HIP1: variants seen among roughly 807,000 people sequenced by gnomAD.
The protein encoded by HIP1 is huntingtin-interacting protein 1.
HIP1 carries 65 observed loss-of-function variants against 147.6 expected under a neutral mutation model. The ratio of observed to expected loss-of-function variants is 0.44; its 90% confidence interval spans 0.36 to 0.54. HIP1 has a LOEUF of 0.54. Among genes scored for constraint, HIP1 ranks in the 20% least tolerant of loss-of-function variants. The pLI, the probability that HIP1 is intolerant of heterozygous loss-of-function variation, is 0.00. For missense variants in HIP1, 1,061 were observed against 1,299.6 expected (o/e 0.82, Z 2.82); for synonymous variants, 479 against 504.0 (o/e 0.95, Z 0.67).
At chr7:75,559,703 G>GGCCGCCCCCCCCCCCCCCCCC in intron 14 of HIP1, 29 bp downstream of exon 14, 2 of 1,195,144 alleles carry the variant, frequency 1.7e-6, no homozygotes, top group South Asian at 1.4e-5. Context: ...TGCCCCCGGG[G>GGCCGCCCCCCCCCCCCCCCCC]CCCGCCCCCG....
At chr7:75,701,440 G>C (rs941943492) in intron 1 of HIP1, among the ~76,000 whole-genome samples, 23 of 152,090 alleles carry the variant, frequency 1.5e-4, no homozygotes, top group African/African-American at 5.1e-4. Context: ...CCAGTCTGGT[G>C]ACTCAGGCCT....
intron 29 of HIP1, among the ~76,000 whole-genome samples, chr7:75,540,298 G>A (rs1554489603): frequency 6.6e-6 from 1 of 151,938 alleles, no homozygotes; most frequent in Non-Finnish European, 1.5e-5. Flanking sequence ...GTGTGGTGGT[G>A]CATGTCTGTA....
At chr7:75,726,703 CTTTTTTT>C (rs797038208) in intron 1 of HIP1, among the ~76,000 whole-genome samples, 5 of 133,442 alleles carry the variant, frequency 3.7e-5, no homozygotes, top group Non-Finnish European at 8.1e-5. Flanking sequence ...AAATGTTTTT[CTTTTTTT>C]TTTTTTTTTG....
At chr7:75,563,729 A>T (rs1420805407) in intron 9 of HIP1, among the ~76,000 whole-genome samples, 3 of 152,162 alleles carry the variant, frequency 2.0e-5, no homozygotes, top group Non-Finnish European at 4.4e-5. Flanking sequence ...CACAATTAAG[A>T]CTATAAGTTC....
chr7:75,731,300 T>C (rs1554522992), intron 1 of HIP1, among the ~76,000 whole-genome samples: 1 of 150,996 alleles, frequency 6.6e-6, no homozygotes, highest in Non-Finnish European at 1.5e-5. Context: ...CTGGCCAACA[T>C]GATGAAACCC....
chr7:75,608,288 C>A (rs1052835412), intron 1 of HIP1, among the ~76,000 whole-genome samples: 22 of 152,110 alleles, frequency 1.4e-4, no homozygotes, highest in African/African-American at 5.1e-4. Flanking sequence ...GCCTGGGTGA[C>A]AGAGAGAAAC....
At position 75,568,087 on chromosome 7, in the gene HIP1, G is replaced by T; in HGVS notation, c.803+112C>A. On this transcript the variant is annotated intron_variant, in intron 9 of 30. Transcript: ENST00000336926. The surrounding 1 kb of genome is among the most constrained non-coding windows in gnomAD (Gnocchi z 4.1). ...CGCCTCAGCCTCCCAAAGAGTTGGG[G>T]TTACAGGCATGAACCACTGTGTCCA... 1.3e-6 allele frequency: 1 copy of T among 790,522 alleles called. No homozygotes were observed. The highest frequency in any genetic ancestry group is 2.5e-5 in the East Asian group (1 of 39,420). The allele number at this position is 790,522 out of a possible 1,614,324, so 49.0% of individuals were successfully genotyped here. A position where few individuals can be genotyped will look rare whatever the true frequency, so the allele number is the denominator to read the frequency against.
rs139100778 is a variant in HIP1, at chr7:75,541,637, G to A, written c.2952+282C>T. Reference sequence around the variant, plus strand: ...CTTGAACCTGGGAGGTGGAGAGTGCGGTGAGCCAAGATCACGCCACTGCAC... The same window carrying A: ...CTTGAACCTGGGAGGTGGAGAGTGCAGTGAGCCAAGATCACGCCACTGCAC... On this transcript the variant is annotated intron_variant, in intron 29 of 30. Coordinates refer to ENST00000336926, the MANE Select transcript of HIP1 (RefSeq NM_005338.7). Among the ~76,000 whole-genome samples the A allele has an allele frequency of 1.4e-3, 205 of 151,222 alleles. 1 individual carries two copies. In the East Asian group the frequency reaches 0.015, roughly 11 times the overall value.
In HIP1 at chr7:75,554,104, G is replaced by A. The variant is rs1167807; in HGVS notation, c.2158+9C>T. On this transcript the variant is annotated intron_variant, in intron 21 of 30. Coordinates refer to ENST00000336926, the MANE Select transcript of HIP1 (RefSeq NM_005338.7). ...GTCCATGAACAGCCCCTCATGCCCC[G>A]GTACTCACAGTCGGCAGGCTCAGGT... The A allele has an allele frequency of 0.42, 674,358 of 1,605,510 alleles. 145,760 individuals carry two copies. Among genetic ancestry groups the A allele is most frequent in the Non-Finnish European group, 0.44 (519,373 of 1,172,870 alleles).
At chr7:75,651,801 A>G (rs1339475674) in intron 1 of HIP1, among the ~76,000 whole-genome samples, 1 of 152,174 alleles carries the variant, frequency 6.6e-6, no homozygotes, top group Non-Finnish European at 1.5e-5. Context: ...TATGGAAAGT[A>G]TTTAGAAAAT....
At chr7:75,731,097 G>A (rs1408186588) in intron 1 of HIP1, among the ~76,000 whole-genome samples, 1 of 151,878 alleles carries the variant, frequency 6.6e-6, no homozygotes, top group Non-Finnish European at 1.5e-5. Flanking sequence ...ACAAAACCAG[G>A]GACCAAAAGA....
At chr7:75,607,504 C>T (rs1797273195) in intron 1 of HIP1, among the ~76,000 whole-genome samples, 1 of 133,074 alleles carries the variant, frequency 7.5e-6, no homozygotes, top group Non-Finnish European at 1.6e-5. Context: ...GCTGGGATTA[C>T]AGACATGAGC....
At chr7:75,586,911 G>A (rs1435887460) in intron 4 of HIP1, 78 bp from the exon 5 acceptor site, 1 of 849,810 alleles carries the variant, frequency 1.2e-6, no homozygotes, top group Admixed American at 2.0e-5. Context: ...GAATTCTCTG[G>A]TAAAGAATCT....
At chr7:75,680,973 T>G (rs2117269657) in intron 1 of HIP1, among the ~76,000 whole-genome samples, 1 of 152,250 alleles carries the variant, frequency 6.6e-6, no homozygotes, top group East Asian at 1.9e-4. Context: ...AGAAGGGGTT[T>G]TACCGTGTTA....
At chr7:75,542,002 G>C in intron 28 of HIP1, 22 bp from the exon 29 acceptor site, 1 of 1,609,366 alleles carries the variant, frequency 6.2e-7, no homozygotes, top group Non-Finnish European at 8.5e-7. Context: ...GAAACAAGAA[G>C]GTCTCATCAA....
intron 2 of HIP1, among the ~76,000 whole-genome samples, chr7:75,595,238 TTC>T (rs1260683077): frequency 1.4e-4 from 16 of 116,456 alleles, no homozygotes; most frequent in African/African-American, 4.8e-4. Flanking sequence ...CTTTCTTTCT[TTC>T]TTTCTTTCTT....
intron 28 of HIP1, 54 bp downstream of exon 28, chr7:75,542,797 G>A: frequency 1.3e-6 from 2 of 1,576,046 alleles, no homozygotes; most frequent in Non-Finnish European, 1.7e-6. Context: ...AGGGAAGGAT[G>A]CAGAGAAGAG....
intron 1 of HIP1, among the ~76,000 whole-genome samples, chr7:75,608,731 A>G (rs1169773375): frequency 6.6e-6 from 1 of 152,212 alleles, no homozygotes; most frequent in Non-Finnish European, 1.5e-5. Context: ...TATTAGAAAC[A>G]CACATGCAGA....
At chr7:75,609,903 CTTT>C (rs56106169) in intron 1 of HIP1, among the ~76,000 whole-genome samples, 5 of 130,974 alleles carry the variant, frequency 3.8e-5, no homozygotes, top group Admixed American at 8.0e-5. Flanking sequence ...CTCTTCTTTT[CTTT>C]TTTTTTTTTT....
Sources: gnomAD v4.1 joint callset for allele counts (sites outside exome capture counted in the v4.1 genomes callset) on GRCh38, gnomAD v4.1.1 for gene constraint, Gnocchi (gnomAD v3.1) non-coding constraint, MANE v1.5 for transcripts, NCBI Gene and HGNC (gene_info 2026-07-23, HGNC 2026-07-21) for gene names.